TNFSF4: variants seen among roughly 807,000 people sequenced by gnomAD.
TNFSF4 encodes the protein tumor necrosis factor ligand superfamily member 4.
In TNFSF4, 4 loss-of-function variants were observed where a neutral mutation model predicts 7.3. The observed-to-expected ratio is 0.55, with a 90% CI of 0.27 to 1.25. The LOEUF is 1.25. Among genes scored for constraint, TNFSF4 ranks in the 50% most tolerant of loss-of-function variants. The probability of loss-of-function intolerance (pLI) is 0.12; values close to 1 mark genes in which losing one functional copy is unlikely to be tolerated. For missense variants in TNFSF4, 181 were observed against 208.8 expected (o/e 0.87, Z 0.82); for synonymous variants, 76 against 83.7 (o/e 0.91, Z 0.50).
At chr1:173,416,755 C>T in the TNFSF4 span, among the ~76,000 whole-genome samples, 1 of 151,990 alleles carries the variant, frequency 6.6e-6, no homozygotes, top group East Asian at 1.9e-4. Flanking sequence ...CGCCAGCATG[C>T]CCGGCTAATT....
the TNFSF4 span, among the ~76,000 whole-genome samples, chr1:173,443,925 C>T: frequency 1.3e-5 from 2 of 152,226 alleles, no homozygotes; most frequent in South Asian, 4.2e-4. Context: ...AGCCCCTTTC[C>T]AACTCTTGTT....
chr1:173,294,025 C>A, the TNFSF4 span, among the ~76,000 whole-genome samples: 18 of 152,082 alleles, frequency 1.2e-4, no homozygotes, highest in African/African-American at 4.3e-4. Context: ...ATTAGTTCAG[C>A]CACTGTGGAA....
the TNFSF4 span, among the ~76,000 whole-genome samples, chr1:173,378,618 T>C: frequency 1.3e-5 from 2 of 152,172 alleles, no homozygotes; most frequent in South Asian, 4.1e-4. Flanking sequence ...ATTACAATAC[T>C]ATCCTGCAGC....
chr1:173,238,667 A>G, the TNFSF4 span, among the ~76,000 whole-genome samples: 1 of 152,076 alleles, frequency 6.6e-6, no homozygotes, highest in Non-Finnish European at 1.5e-5. Flanking sequence ...AATATTACTA[A>G]TCATTAGGGA....
chr1:173,391,603 C>T, the TNFSF4 span, among the ~76,000 whole-genome samples: 7 of 152,018 alleles, frequency 4.6e-5, no homozygotes, highest in Admixed American at 4.6e-4. Context: ...AAATCATCTT[C>T]CTCTCCTCCC....
the TNFSF4 span, among the ~76,000 whole-genome samples, chr1:173,263,888 G>A: frequency 6.6e-6 from 1 of 152,194 alleles, no homozygotes; most frequent in African/African-American, 2.4e-5. Flanking sequence ...GGCAACTGGG[G>A]AAATCCTGAA....
chr1:173,429,220 A>G, the TNFSF4 span, among the ~76,000 whole-genome samples: 1 of 152,044 alleles, frequency 6.6e-6, no homozygotes, highest in Non-Finnish European at 1.5e-5. Context: ...AAAAAAAAAG[A>G]GTATTATGAA....
chr1:173,360,167 C>G, the TNFSF4 span, among the ~76,000 whole-genome samples: 1 of 152,246 alleles, frequency 6.6e-6, no homozygotes, highest in Non-Finnish European at 1.5e-5. Context: ...AGAACTATAT[C>G]CATCTCCTTT....
the TNFSF4 span, among the ~76,000 whole-genome samples, chr1:173,328,723 G>A: frequency 8.6e-5 from 13 of 151,896 alleles, no homozygotes; most frequent in Non-Finnish European, 1.3e-4. Context: ...AGACGAAAAC[G>A]TAGATTTATT....
the TNFSF4 span, among the ~76,000 whole-genome samples, chr1:173,422,643 C>T: frequency 0.61 from 92,356 of 151,934 alleles, 29,774 homozygotes; most frequent in South Asian, 0.78. Context: ...GAGAAGATGG[C>T]GCATTCCAAG....
At chr1:173,421,269 A>C in the TNFSF4 span, among the ~76,000 whole-genome samples, 10 of 152,326 alleles carry the variant, frequency 6.6e-5, no homozygotes, top group East Asian at 1.9e-3. Flanking sequence ...ACTAAAAAAT[A>C]ATTATTTATC....
In TNFSF4 at chr1:173,183,945, TCTAA is replaced by T. The variant is rs1210108293; in HGVS notation, c.*2567_*2570del. On this transcript the variant is annotated 3_prime_UTR_variant, in exon 3 of 3. Transcript: ENST00000281834. ...TTAAGCATTCTCTAAATAGAAAATA[TCTAA>T]CTAACAATTGATAACTGCTCTTGAA... 5 of 152,140 alleles carry T rather than the reference TCTAA, an allele frequency of 3.3e-5. No homozygotes were observed. Among genetic ancestry groups the T allele is most frequent in the African/African-American group, 9.7e-5 (4 of 41,426 alleles). The allele number at this position is 152,140 out of a possible 1,614,324, so 9.4% of individuals were successfully genotyped here.
chr1:173,281,004 T>C, the TNFSF4 span, among the ~76,000 whole-genome samples: 13 of 152,110 alleles, frequency 8.5e-5, no homozygotes, highest in Non-Finnish European at 1.8e-4. Flanking sequence ...CTTGAAATAC[T>C]GGAAAAGAGG....
the TNFSF4 span, among the ~76,000 whole-genome samples, chr1:173,431,277 G>A: frequency 6.6e-6 from 1 of 152,136 alleles, no homozygotes; most frequent in Non-Finnish European, 1.5e-5. Context: ...TAATCTTCAG[G>A]TTAGGCTTGA....
the TNFSF4 span, among the ~76,000 whole-genome samples, chr1:173,402,922 G>C: frequency 6.6e-6 from 1 of 151,740 alleles, no homozygotes; most frequent in African/African-American, 2.4e-5. Context: ...GCACAATCAC[G>C]GCTCACCACA....
At chr1:173,365,369 T>G in the TNFSF4 span, among the ~76,000 whole-genome samples, 1 of 152,200 alleles carries the variant, frequency 6.6e-6, no homozygotes, top group Non-Finnish European at 1.5e-5. Context: ...AAATATGTTT[T>G]TTATTATTGA....
chr1:173,436,288 A>T, the TNFSF4 span, among the ~76,000 whole-genome samples: 2 of 152,236 alleles, frequency 1.3e-5, no homozygotes, highest in Non-Finnish European at 2.9e-5. Flanking sequence ...CACAGTGGGC[A>T]ACTGGAACTT....
the TNFSF4 span, among the ~76,000 whole-genome samples, chr1:173,400,640 G>T: frequency 3.9e-5 from 6 of 152,204 alleles, no homozygotes. Flanking sequence ...GCTGACTGGG[G>T]TGATTGATCT....
chr1:173,335,359 G>C, the TNFSF4 span, among the ~76,000 whole-genome samples: 2 of 152,122 alleles, frequency 1.3e-5, no homozygotes, highest in African/African-American at 4.8e-5. Flanking sequence ...AGGAGCCCTG[G>C]CATCTTTGAA....
Sources: allele counts gnomAD v4.1 joint callset (sites outside exome capture counted in the v4.1 genomes callset), GRCh38; gene constraint gnomAD v4.1.1; transcripts MANE v1.5; gene names NCBI Gene and HGNC (gene_info 2026-07-23, HGNC 2026-07-21).